The following CDKAL1 variants were observed in gnomAD, a reference collection of about 807,000 sequenced individuals.
The protein encoded by CDKAL1 is CDKAL1 threonylcarbamoyladenosine tRNA methylthiotransferase, also known as threonylcarbamoyladenosine tRNA methylthiotransferase.
In CDKAL1, 32 loss-of-function variants were observed where a neutral mutation model predicts 68.2. The observed-to-expected ratio is 0.47, with a 90% CI of 0.35 to 0.63. CDKAL1 has a LOEUF of 0.63. CDKAL1 is among the 30% of genes least tolerant of loss of function. The pLI, the probability that CDKAL1 is intolerant of heterozygous loss-of-function variation, is 0.00. For missense variants in CDKAL1, 606 were observed against 696.7 expected (o/e 0.87, Z 1.47); for synonymous variants, 234 against 244.3 (o/e 0.96, Z 0.39).
chr6:20,617,748 C>T (rs995855542), intron 4 of CDKAL1, among the ~76,000 whole-genome samples: 1 of 152,100 alleles, frequency 6.6e-6, no homozygotes, highest in African/African-American at 2.4e-5. Context: ...GACATGAGCT[C>T]ATCATTTTTT....
chr6:21,018,191 A>G (rs1768445145), intron 11 of CDKAL1, among the ~76,000 whole-genome samples: 1 of 152,096 alleles, frequency 6.6e-6, no homozygotes, highest in Non-Finnish European at 1.5e-5. Context: ...TGAAATATTC[A>G]CCTCTTACCA....
chr6:21,148,799 G>T (rs1776287107), intron 13 of CDKAL1, among the ~76,000 whole-genome samples: 1 of 151,986 alleles, frequency 6.6e-6, no homozygotes, highest in Non-Finnish European at 1.5e-5. Context: ...AGAGGAATAG[G>T]CAAGACACAA....
intron 6 of CDKAL1, among the ~76,000 whole-genome samples, chr6:20,752,395 A>G (rs775363680): frequency 2.6e-5 from 4 of 152,304 alleles, no homozygotes; most frequent in Non-Finnish European, 4.4e-5. Context: ...ATTAGAGGAT[A>G]TATTTTCAGC....
At chr6:21,174,316 A>G (rs1000997439) in intron 13 of CDKAL1, among the ~76,000 whole-genome samples, 1 of 152,198 alleles carries the variant, frequency 6.6e-6, no homozygotes, top group Non-Finnish European at 1.5e-5. Flanking sequence ...AACTGTCCCT[A>G]TGTTATTCAA....
At chr6:21,120,549 C>T (rs952445387) in intron 13 of CDKAL1, among the ~76,000 whole-genome samples, 1 of 152,086 alleles carries the variant, frequency 6.6e-6, no homozygotes, top group Non-Finnish European at 1.5e-5. Flanking sequence ...TCCTAGAGAC[C>T]CCTGTTTTCT....
At chr6:20,650,984 G>A (rs1268889853) in intron 5 of CDKAL1, among the ~76,000 whole-genome samples, 1 of 152,130 alleles carries the variant, frequency 6.6e-6, no homozygotes, top group Non-Finnish European at 1.5e-5. Context: ...AAGTTGGGTA[G>A]CGCGATGCCC....
At chr6:20,834,382 A>T (rs1249509275) in intron 8 of CDKAL1, among the ~76,000 whole-genome samples, 1 of 152,154 alleles carries the variant, frequency 6.6e-6, no homozygotes, top group African/African-American at 2.4e-5. Context: ...GGAAAGGACA[A>T]CTGTGGGGGT....
chr6:20,632,178 T>C (rs1240916841), intron 4 of CDKAL1, among the ~76,000 whole-genome samples: 1 of 152,230 alleles, frequency 6.6e-6, no homozygotes, highest in Non-Finnish European at 1.5e-5. Context: ...CCATCCTCTC[T>C]TAAATGTGCT....
intron 5 of CDKAL1, among the ~76,000 whole-genome samples, chr6:20,726,398 A>T (rs890887745): frequency 6.6e-6 from 1 of 152,160 alleles, no homozygotes; most frequent in Non-Finnish European, 1.5e-5. Flanking sequence ...AACATATACA[A>T]TCAAACTGTA....
chr6:21,108,249 T>C, intron 12 of CDKAL1, 152 bp from the exon 13 acceptor site: 1 of 585,018 alleles, frequency 1.7e-6, no homozygotes, highest in South Asian at 2.1e-5. Context: ...CACCCCTGTG[T>C]CTTCTCAGCC....
chr6:21,026,030 T>A (rs1768935759), intron 11 of CDKAL1, among the ~76,000 whole-genome samples: 1 of 152,154 alleles, frequency 6.6e-6, no homozygotes, highest in Non-Finnish European at 1.5e-5. Context: ...AACATTTTAT[T>A]GACATTCTTT....
chr6:20,993,839 CTG>C (rs367938844), intron 10 of CDKAL1, among the ~76,000 whole-genome samples: 28 of 152,304 alleles, frequency 1.8e-4, no homozygotes, highest in African/African-American at 4.8e-4. Context: ...GATGGAAACA[CTG>C]TTTTTTAATC....
rs542393737 is a variant in CDKAL1 at position 20,571,449 on chromosome 6, T to C, written c.286+22744T>C. Among the ~76,000 whole-genome samples, 15 of 152,266 alleles carry C rather than the reference T, an allele frequency of 9.9e-5. No homozygotes were observed. In the East Asian group the frequency reaches 2.5e-3, roughly 25 times the overall value. On this transcript the variant is annotated intron_variant, in intron 4 of 15. Coordinates refer to ENST00000274695, the MANE Select transcript of CDKAL1 (RefSeq NM_017774.3). ...TGACCTGTCCTTCTCCCTGTTCTCT[T>C]ATCTAGTAATTGGTTGGATAATGAG... is the stretch of plus-strand genomic sequence containing the variant.
At chr6:20,717,067 A>G (rs1164873497) in intron 5 of CDKAL1, among the ~76,000 whole-genome samples, 1 of 152,098 alleles carries the variant, frequency 6.6e-6, no homozygotes, top group Middle Eastern at 3.2e-3. Flanking sequence ...GGATTTGTCA[A>G]TAGGGAACTG....
At chr6:20,632,549 T>A (rs1261042349) in intron 4 of CDKAL1, among the ~76,000 whole-genome samples, 1 of 152,226 alleles carries the variant, frequency 6.6e-6, no homozygotes, top group Non-Finnish European at 1.5e-5. Context: ...TGTCAGAGCT[T>A]AACCCCAGCT....
At chr6:20,608,454 A>G (rs1445599329) in intron 4 of CDKAL1, among the ~76,000 whole-genome samples, 1 of 152,186 alleles carries the variant, frequency 6.6e-6, no homozygotes, top group East Asian at 1.9e-4. Context: ...AAAAATAAAC[A>G]AGTAAATAAA....
chr6:20,647,024 C>T lies in CDKAL1; in HGVS notation c.287-2269C>T, dbSNP rs192901069. Among the ~76,000 whole-genome samples the T allele has an allele frequency of 1.5e-3, 229 of 152,276 alleles. 1 individual carries two copies. The highest frequency in any genetic ancestry group is 5.3e-3 in the African/African-American group (221 of 41,566). On this transcript the variant is annotated intron_variant, in intron 4 of 15. Coordinates refer to ENST00000274695, the MANE Select transcript of CDKAL1 (RefSeq NM_017774.3). Reference sequence around the variant, plus strand: ...CCTCCCAAAGTGCCGGGATTACAGGCGTGAGCACCTGCACCCGGCCCTTAT... The same window carrying T: ...CCTCCCAAAGTGCCGGGATTACAGGTGTGAGCACCTGCACCCGGCCCTTAT...
At chr6:20,636,105 G>A (rs2127746233) in intron 4 of CDKAL1, among the ~76,000 whole-genome samples, 1 of 152,236 alleles carries the variant, frequency 6.6e-6, no homozygotes, top group Non-Finnish European at 1.5e-5. Context: ...CCTGCTTCAG[G>A]GGAAGGTCAG....
intron 7 of CDKAL1, among the ~76,000 whole-genome samples, chr6:20,763,461 T>C (rs146302865): frequency 7.0e-4 from 106 of 152,342 alleles, no homozygotes; most frequent in Admixed American, 1.4e-3. Context: ...GTGAGCCATC[T>C]GCTTTGCTGG....
Sources: gnomAD v4.1 joint callset for allele counts (sites outside exome capture counted in the v4.1 genomes callset) on GRCh38, gnomAD v4.1.1 for gene constraint, MANE v1.5 for transcripts, NCBI Gene and HGNC (gene_info 2026-07-23, HGNC 2026-07-21) for gene names.